Variants in ZNF283 observed in about 807,000 individuals in gnomAD.
The protein encoded by ZNF283 is zinc finger protein 41.
A neutral mutation model predicts 9.2 loss-of-function variants in ZNF283; 10 were observed. The observed-to-expected ratio is 1.09, with a 90% confidence interval of 0.67 to 1.85. ZNF283 has a LOEUF of 1.85. ZNF283 is among the 40% of genes most tolerant of loss of function. ZNF283 has a pLI of 0.00. For missense variants in ZNF283, 631 were observed against 760.1 expected (o/e 0.83, Z 2.00); for synonymous variants, 234 against 244.1 (o/e 0.96, Z 0.38).
At position 43,837,193 on chromosome 19, in the gene ZNF283, C is replaced by T; in HGVS notation, c.337+14C>T. On this transcript the variant is annotated intron_variant, in intron 6 of 6. Coordinates refer to ENST00000618787, the MANE Select transcript of ZNF283 (RefSeq NM_181845.2). ...TGGTGTCACTGGGTAAGGTCATCTG[C>T]CTGAAATAATTTAGAGTCTCCTCTT... The T allele has an allele frequency of 6.4e-7, 1 of 1,573,056 alleles. No homozygotes were observed. The highest frequency in any genetic ancestry group is 8.6e-7 in the Non-Finnish European group (1 of 1,161,754).
At chr19:43,843,092 C>T (rs1971275027) in intron 6 of ZNF283, among the ~76,000 whole-genome samples, 4 of 152,282 alleles carry the variant, frequency 2.6e-5, no homozygotes, top group South Asian at 4.1e-4. Context: ...CCCGTAATCC[C>T]AGCATTTTGG....
intron 3 of ZNF283, among the ~76,000 whole-genome samples, chr19:43,832,641 C>T (rs545879893): frequency 1.4e-4 from 21 of 152,310 alleles, no homozygotes; most frequent in South Asian, 8.3e-4. Context: ...ACACATTTTA[C>T]TGTGAGCAAA....
At chr19:43,833,018 A>G (rs2146536947) in intron 3 of ZNF283, among the ~76,000 whole-genome samples, 1 of 134,528 alleles carries the variant, frequency 7.4e-6, no homozygotes, top group South Asian at 2.5e-4. Flanking sequence ...ACAGAGCAAG[A>G]CCCTGTCTCT....
intron 2 of ZNF283, among the ~76,000 whole-genome samples, chr19:43,829,313 C>T (rs556402074): frequency 2.0e-5 from 3 of 152,030 alleles, no homozygotes; most frequent in East Asian, 1.9e-4. Context: ...TGAACCCGGG[C>T]GGTGGAGGTT....
chr19:43,841,502 A>G (rs7247308), intron 6 of ZNF283: 60,524 of 148,254 alleles, frequency 0.41, 12,676 homozygotes, highest in South Asian at 0.55. Context: ...CCATGATTTC[A>G]GCTCACCGCA....
chr19:43,835,094 G>A (rs1215607295), intron 4 of ZNF283, among the ~76,000 whole-genome samples: 1 of 152,060 alleles, frequency 6.6e-6, no homozygotes, highest in Non-Finnish European at 1.5e-5. Context: ...TGAATATTCT[G>A]ATATATGCAT....
intron 6 of ZNF283, 71 bp from the exon 7 acceptor site, chr19:43,846,868 T>C: frequency 9.3e-7 from 1 of 1,081,052 alleles, no homozygotes; most frequent in Non-Finnish European, 1.2e-6. Flanking sequence ...GTCTTTTATT[T>C]CTACTGTAGT....
chr19:43,836,068 T>G lies in ZNF283; in HGVS notation c.210+476T>G, dbSNP rs531333360. On this transcript the variant is annotated intron_variant, in intron 5 of 6. Transcript: ENST00000618787. ...GTAACAGATAAGATGATGCCTAAGG[T>G]CTAGATGATAATATATTTCCACGAT... Among the ~76,000 whole-genome samples, 78 of 152,242 alleles carry G rather than the reference T, an allele frequency of 5.1e-4. 1 individual carries two copies. Among genetic ancestry groups the G allele is most frequent in the Non-Finnish European group, 9.1e-4 (62 of 68,014 alleles).
rs997186561 is a variant in ZNF283 at position 43,848,012 on chromosome 19, G to C, written c.1411G>C (p.Gly471Arg). ...CKECGKAFSW[G>R]SSLVKHERVH... ...GGAATGTGGGAAGGCCTTTAGTTGGGGTTCAAGCCTTGTTAAACATGAGAG... is the reference window on the plus strand; with the variant it reads ...GGAATGTGGGAAGGCCTTTAGTTGGCGTTCAAGCCTTGTTAAACATGAGAG... The change falls in exon 7 of 7, where the codon GGT (glycine) becomes CGT (arginine). Residue 471 changes from glycine to arginine, a missense_variant. By Grantham distance (125) the Gly-to-Arg change is moderately radical. Transcript: ENST00000618787. The C allele has an allele frequency of 2.5e-6, 4 of 1,613,640 alleles. No individual in the cohort carries two copies. In the East Asian group the frequency reaches 8.9e-5, roughly 36 times the overall value.
intron 6 of ZNF283, among the ~76,000 whole-genome samples, chr19:43,839,871 A>G (rs554704328): frequency 6.6e-6 from 1 of 151,976 alleles, no homozygotes; most frequent in South Asian, 2.1e-4. Context: ...CTCATTGAGC[A>G]TATTTGGATA....
chr19:43,831,492 A>G (rs1970707923), intron 3 of ZNF283, 111 bp downstream of exon 3: 2 of 908,594 alleles, frequency 2.2e-6, no homozygotes, highest in Non-Finnish European at 3.4e-6. Flanking sequence ...TACATTTGGA[A>G]ATGTCTTTAT....
In ZNF283 at chr19:43,847,404, G is replaced by A; in HGVS notation, c.803G>A (p.Cys268Tyr). The stretch of plus-strand genomic sequence containing the variant: ...GAGAAACCCTATGAGTGTAAGGAAT[G>A]TGGGAAGACCTTTAGCTGGGGATCA... ...TGEKPYECKE[C>Y]GKTFSWGSSL... The change falls in exon 7 of 7, where the codon TGT (cysteine) becomes TAT (tyrosine). Residue 268 changes from cysteine (C) to tyrosine (Y), a missense_variant. Coordinates refer to ENST00000618787, the MANE Select transcript of ZNF283 (RefSeq NM_181845.2). 1 of 1,614,026 alleles carries A rather than the reference G, an allele frequency of 6.2e-7. No homozygotes were observed. The highest frequency in any genetic ancestry group is 1.1e-5 in the South Asian group (1 of 91,072).
intron 2 of ZNF283, among the ~76,000 whole-genome samples, chr19:43,829,711 C>T (rs535582209): frequency 6.6e-6 from 1 of 151,988 alleles, no homozygotes; most frequent in Non-Finnish European, 1.5e-5. Flanking sequence ...TTGATTGTGA[C>T]GGGTGCTTGC....
At chr19:43,839,005 A>G (rs188089662) in intron 6 of ZNF283, among the ~76,000 whole-genome samples, 15 of 152,318 alleles carry the variant, frequency 9.8e-5, no homozygotes, top group African/African-American at 3.6e-4. Context: ...ACTAACTTTT[A>G]TATTTACTCA....
At chr19:43,839,250 G>A (rs1253769716) in intron 6 of ZNF283, among the ~76,000 whole-genome samples, 1 of 146,538 alleles carries the variant, frequency 6.8e-6, no homozygotes, top group African/African-American at 2.5e-5. Context: ...TTTTTCTTTT[G>A]GACTTTTCAA....
intron 2 of ZNF283, among the ~76,000 whole-genome samples, chr19:43,829,156 G>T (rs1371508752): frequency 6.6e-6 from 1 of 151,936 alleles, no homozygotes; most frequent in African/African-American, 2.4e-5. Flanking sequence ...GAGGCTGAGG[G>T]AGGTGGATCA....
In ZNF283 at chr19:43,827,399, C is replaced by T. The variant is rs1761787428; in HGVS notation, c.-190C>T. On this transcript the variant is annotated 5_prime_UTR_variant, in exon 1 of 7. Coordinates refer to ENST00000618787, the MANE Select transcript of ZNF283 (RefSeq NM_181845.2). The stretch of plus-strand genomic sequence containing the variant: ...CTCTGGGTCCAAACTAACCACAGGT[C>T]TCTGGGTCCTTTTCCGGTGTCCTTA... 6.6e-6 allele frequency: 1 copy of T among 152,296 alleles called. No individual in the cohort carries two copies. The highest frequency in any genetic ancestry group is 6.5e-5 in the Admixed American group (1 of 15,276). The allele number at this position is 152,296 out of a possible 1,614,324, so 9.4% of individuals were successfully genotyped here.
At chr19:43,830,901 TAAAAAA>T (rs367850643) in intron 2 of ZNF283, among the ~76,000 whole-genome samples, 1 of 73,842 alleles carries the variant, frequency 1.4e-5, no homozygotes. Context: ...AGACTCCATC[TAAAAAA>T]AAAAAAAAAA....
intron 4 of ZNF283, among the ~76,000 whole-genome samples, chr19:43,834,989 T>G (rs1306671006): frequency 6.6e-6 from 1 of 152,226 alleles, no homozygotes; most frequent in Admixed American, 6.5e-5. Flanking sequence ...ATTTTATAAA[T>G]GTAATCATAA....
Sources: gnomAD v4.1 joint callset for allele counts (sites outside exome capture counted in the v4.1 genomes callset) on GRCh38, gnomAD v4.1.1 for gene constraint, MANE v1.5 for transcripts, NCBI Gene and HGNC (gene_info 2026-07-23, HGNC 2026-07-21) for gene names.